Variants in ADGRD1 observed in about 807,000 individuals in gnomAD.
ADGRD1 encodes adhesion G protein-coupled receptor D1, also known as G-protein coupled receptor 133.
Under a neutral mutation model 113.4 loss-of-function variants are expected in ADGRD1, and 77 were observed. That is an observed-to-expected ratio of 0.68 (90% CI 0.57 to 0.82). The LOEUF is 0.82. Ranked by LOEUF, ADGRD1 falls within the 40% of genes least tolerant of loss-of-function variation. ADGRD1 has a pLI of 0.00. For missense variants in ADGRD1, 1,036 were observed against 1,139.1 expected (o/e 0.91, Z 1.30); for synonymous variants, 474 against 475.0 (o/e 1.00, Z 0.03).
At chr12:131,053,487 G>A (rs1463628711) in intron 13 of ADGRD1, among the ~76,000 whole-genome samples, 1 of 152,200 alleles carries the variant, frequency 6.6e-6, no homozygotes, top group Non-Finnish European at 1.5e-5. Flanking sequence ...GACCTGACAT[G>A]ATTTTTGTGG....
At position 131,060,089 on chromosome 12, in the gene ADGRD1, T is replaced by C. The variant is rs2178485; in HGVS notation, c.1474-16712T>C. On this transcript the variant is annotated intron_variant, in intron 13 of 24. Coordinates refer to ENST00000261654, the MANE Select transcript of ADGRD1 (RefSeq NM_198827.5). This position sits in a 1 kb window ranked among gnomAD's most constrained non-coding sequence, Gnocchi z 4.4. ...GCGTGGGGGTGAAAGTCCGAGTGCC[T>C]GCTCTGTGTCCCTTGGAGTCCTGGT... Among the ~76,000 whole-genome samples, 132,808 of 152,328 alleles carry C rather than the reference T, an allele frequency of 0.87. 58,416 individuals are homozygous for C. The highest frequency in any genetic ancestry group is 1 in the East Asian group (5,150 of 5,170).
intron 12 of ADGRD1, among the ~76,000 whole-genome samples, chr12:131,008,735 C>G (rs981589895): frequency 6.6e-6 from 1 of 152,230 alleles, no homozygotes. Context: ...CTAGGCTCAG[C>G]CAGCACCGGG....
chr12:131,040,159 G>A (rs1330119696), intron 13 of ADGRD1, among the ~76,000 whole-genome samples: 1 of 152,166 alleles, frequency 6.6e-6, no homozygotes, highest in Non-Finnish European at 1.5e-5. Flanking sequence ...CTTTTTCCCA[G>A]GAGTCTGGAG....
chr12:131,033,778 G>A (rs1431636522), intron 13 of ADGRD1, among the ~76,000 whole-genome samples: 2 of 152,194 alleles, frequency 1.3e-5, no homozygotes. Context: ...GTCCTCTGTG[G>A]TCATTTCCAC....
intron 13 of ADGRD1, among the ~76,000 whole-genome samples, chr12:131,037,900 C>T (rs544818566): frequency 4.0e-5 from 6 of 149,522 alleles, no homozygotes; most frequent in Non-Finnish European, 8.9e-5. Flanking sequence ...GCCTCACTCA[C>T]CACACCGGGT....
At chr12:131,002,538 G>A in intron 9 of ADGRD1, 1 of 997,594 alleles carries the variant, frequency 1.0e-6, no homozygotes, top group Non-Finnish European at 1.2e-6. Context: ...AGAGCTCACT[G>A]GCCCAGCTCA....
chr12:131,082,181 T>C (rs1193760485), intron 14 of ADGRD1, among the ~76,000 whole-genome samples: 1 of 152,234 alleles, frequency 6.6e-6, no homozygotes, highest in African/African-American at 2.4e-5. Flanking sequence ...TTTCTGTGTT[T>C]TGCCTGTGTG....
chr12:131,070,843 T>A, intron 13 of ADGRD1: 1 of 519,048 alleles, frequency 1.9e-6, no homozygotes, highest in South Asian at 1.4e-5. Flanking sequence ...TCTAGTGCCC[T>A]GCCCATGTGG....
In ADGRD1 at chr12:130,954,646, C is replaced by A; in HGVS notation, c.89C>A (p.Ser30Ter). 1 of 1,613,400 alleles carries A rather than the reference C, an allele frequency of 6.2e-7. No individual in the cohort carries two copies. The highest frequency in any genetic ancestry group is 8.5e-7 in the Non-Finnish European group (1 of 1,179,938). The change falls in exon 2 of 25, where the codon TCG becomes TAG. Residue 30 changes from serine to a stop codon, truncating the protein, a stop_gained. Coordinates refer to ENST00000261654, the MANE Select transcript of ADGRD1 (RefSeq NM_198827.5). LOFTEE classifies it high-confidence loss of function. This position sits in a 1 kb window ranked among gnomAD's most constrained non-coding sequence, Gnocchi z 4.7. ...CAGGTGCGTGGCGTCTACTCCAGAT[C>A]GCAGGACCATCCAGGTAAGAGTGTT... ...NFQVRGVYSR[S>*]QDHPGFQVLA...
intron 14 of ADGRD1, among the ~76,000 whole-genome samples, chr12:131,081,329 C>T (rs1385679889): frequency 1.3e-5 from 2 of 152,096 alleles, no homozygotes; most frequent in African/African-American, 4.8e-5. Flanking sequence ...TGCTAGATGT[C>T]TTCTAACTTT....
At chr12:131,098,122 C>G (rs1887425733) in intron 15 of ADGRD1, among the ~76,000 whole-genome samples, 1 of 151,906 alleles carries the variant, frequency 6.6e-6, no homozygotes, top group Non-Finnish European at 1.5e-5. Context: ...TCCCCTCTCC[C>G]ACTGTCCTCC....
At chr12:131,048,603 C>G (rs1266995993) in intron 13 of ADGRD1, among the ~76,000 whole-genome samples, 1 of 152,190 alleles carries the variant, frequency 6.6e-6, no homozygotes, top group Non-Finnish European at 1.5e-5. Context: ...GCCAGGCACC[C>G]TCCCAGCTGA....
intron 20 of ADGRD1, among the ~76,000 whole-genome samples, chr12:131,131,454 C>T (rs1464870926): frequency 6.6e-6 from 1 of 152,258 alleles, no homozygotes; most frequent in African/African-American, 2.4e-5. Context: ...CTGGCCCAGG[C>T]TCATGCCCTC....
At chr12:131,049,803 C>T (rs886921955) in intron 13 of ADGRD1, among the ~76,000 whole-genome samples, 1 of 152,192 alleles carries the variant, frequency 6.6e-6, no homozygotes, top group Non-Finnish European at 1.5e-5. Flanking sequence ...AGCATGGGCC[C>T]AGCCGTCCAG....
In ADGRD1 at chr12:131,138,643, A is replaced by AT. The variant is rs1951168819; in HGVS notation, c.2529+414_2529+415insT. 3.9e-5 allele frequency among the ~76,000 whole-genome samples: 6 copies of AT among 152,084 alleles called. No individual in the cohort carries two copies. In the South Asian group the frequency reaches 1.2e-3, roughly 32 times the overall value. On this transcript the variant is annotated intron_variant, in intron 24 of 24. Coordinates refer to ENST00000261654, the MANE Select transcript of ADGRD1 (RefSeq NM_198827.5). Reference sequence around the variant, plus strand: ...CTGCTCAGGTGTCCCATCCTCAGGAAGTCCTTCCCCGCACACGGTGCTCAA... The same window carrying AT: ...CTGCTCAGGTGTCCCATCCTCAGGAATGTCCTTCCCCGCACACGGTGCTCAA...
chr12:131,007,937 T>C (rs1345493744), intron 12 of ADGRD1, among the ~76,000 whole-genome samples: 1 of 152,234 alleles, frequency 6.6e-6, no homozygotes, highest in Non-Finnish European at 1.5e-5. Flanking sequence ...CTTGTTACAT[T>C]GTACCTGTGT....
intron 4 of ADGRD1, among the ~76,000 whole-genome samples, chr12:130,979,658 G>A (rs540428779): frequency 2.5e-4 from 38 of 152,220 alleles, no homozygotes; most frequent in African/African-American, 8.9e-4. Flanking sequence ...TGCACCCACC[G>A]TCCCATCATG....
chr12:131,053,031 A>G (rs766199002), intron 13 of ADGRD1, among the ~76,000 whole-genome samples: 10 of 152,228 alleles, frequency 6.6e-5, no homozygotes, highest in Non-Finnish European at 1.3e-4. Context: ...TCCAGAAAAC[A>G]TGAGCTCCCT....
At chr12:130,969,260 T>A in intron 3 of ADGRD1, 1 of 573,722 alleles carries the variant, frequency 1.7e-6, no homozygotes, top group Non-Finnish European at 3.1e-6. Flanking sequence ...AAAGGAAGAT[T>A]GCAATACATT....
Sources: gnomAD v4.1 joint callset for allele counts (sites outside exome capture counted in the v4.1 genomes callset) on GRCh38, gnomAD v4.1.1 for gene constraint, Gnocchi (gnomAD v3.1) non-coding constraint, MANE v1.5 for transcripts, NCBI Gene and HGNC (gene_info 2026-07-23, HGNC 2026-07-21) for gene names.